Variants in SLC30A8 observed in about 807,000 individuals in gnomAD.
SLC30A8 encodes the protein proton-coupled zinc antiporter SLC30A8.
In SLC30A8, 27 loss-of-function variants were observed where a neutral mutation model predicts 36.9. That is an observed-to-expected ratio of 0.73 (90% CI 0.54 to 1.01). The LOEUF is 1.01. SLC30A8 is among the 50% of genes least tolerant of loss of function. The pLI is 0.00. For missense variants in SLC30A8, 439 were observed against 452.0 expected (o/e 0.97, Z 0.26); for synonymous variants, 164 against 172.4 (o/e 0.95, Z 0.38).
chr8:116,969,442 G>T (rs768165445), intron 1 of SLC30A8, among the ~76,000 whole-genome samples: 1 of 152,134 alleles, frequency 6.6e-6, no homozygotes, highest in Non-Finnish European at 1.5e-5. Flanking sequence ...GGAAAACTGG[G>T]ATAATAGAAT....
At chr8:117,058,859 A>G (rs554393633) in intron 2 of SLC30A8, among the ~76,000 whole-genome samples, 1 of 152,332 alleles carries the variant, frequency 6.6e-6, no homozygotes, top group African/African-American at 2.4e-5. Flanking sequence ...AGCTGATTTC[A>G]TGCTACAAAG....
At chr8:117,169,347 A>G (rs566285268) in intron 6 of SLC30A8, among the ~76,000 whole-genome samples, 5 of 152,290 alleles carry the variant, frequency 3.3e-5, no homozygotes, top group East Asian at 1.9e-4. Flanking sequence ...AGAGTTATTT[A>G]TATCCTGCTC....
At chr8:117,112,938 G>A (rs989690627) in intron 2 of SLC30A8, among the ~76,000 whole-genome samples, 7 of 151,990 alleles carry the variant, frequency 4.6e-5, no homozygotes, top group African/African-American at 1.4e-4. Context: ...TTTACTATTT[G>A]TTCAGCACTA....
chr8:117,125,558 G>A (rs1024534430), intron 2 of SLC30A8, among the ~76,000 whole-genome samples: 17 of 151,974 alleles, frequency 1.1e-4, no homozygotes, highest in Non-Finnish European at 2.2e-4. Context: ...ATCTCTTGAG[G>A]TTGGAAAATC....
At chr8:117,060,374 G>A (rs1292147467) in intron 2 of SLC30A8, among the ~76,000 whole-genome samples, 1 of 151,984 alleles carries the variant, frequency 6.6e-6, no homozygotes, top group East Asian at 1.9e-4. Context: ...TGAACAAGGG[G>A]AAGAACAAGT....
intron 1 of SLC30A8, among the ~76,000 whole-genome samples, chr8:117,007,354 AAATT>A (rs1164045704): frequency 3.3e-5 from 5 of 152,196 alleles, no homozygotes; most frequent in African/African-American, 7.2e-5. Context: ...GGCTTCATAA[AAATT>A]AAAATCTCTT....
At chr8:117,097,276 G>A (rs1006221235) in intron 2 of SLC30A8, among the ~76,000 whole-genome samples, 37 of 147,596 alleles carry the variant, frequency 2.5e-4, no homozygotes, top group African/African-American at 7.5e-4. Flanking sequence ...GCAGGCGCCT[G>A]TAGTCCCAGC....
chr8:117,062,496 C>T (rs951614819), intron 2 of SLC30A8, among the ~76,000 whole-genome samples: 11 of 152,184 alleles, frequency 7.2e-5, no homozygotes, highest in Admixed American at 1.3e-4. Flanking sequence ...CATGAACTCA[C>T]TCATCACCAA....
chr8:116,999,842 CAT>C (rs1325535037), intron 1 of SLC30A8, among the ~76,000 whole-genome samples: 42 of 152,098 alleles, frequency 2.8e-4, no homozygotes, highest in African/African-American at 8.7e-4. Context: ...AAAAAGCAGA[CAT>C]AAAAAATTAA....
chr8:117,102,405 T>G (rs901099488), intron 2 of SLC30A8, among the ~76,000 whole-genome samples: 6 of 152,212 alleles, frequency 3.9e-5, no homozygotes, highest in Admixed American at 2.0e-4. Context: ...TCTCTCTGAC[T>G]TTAAAAAGAT....
chr8:116,999,127 C>T (rs531597269), intron 1 of SLC30A8, among the ~76,000 whole-genome samples: 5 of 152,174 alleles, frequency 3.3e-5, no homozygotes, highest in Admixed American at 2.0e-4. Flanking sequence ...AGCATGATGG[C>T]GCATGTTTGT....
chr8:117,077,427 A>C (rs1554580921), intron 2 of SLC30A8, among the ~76,000 whole-genome samples: 1 of 152,162 alleles, frequency 6.6e-6, no homozygotes, highest in South Asian at 2.1e-4. Context: ...TACTTTTTCA[A>C]TTGAACTTTT....
Position 117,157,708 on chromosome 8 carries a change from C to G in SLC30A8, c.436C>G (p.Leu146Val), listed in dbSNP as rs764763610. ...WHRAEILGAL[L>V]SILCIWVVTG... ...ATTCCTAGAGATCCTTGGTGCCCTG[C>G]TCTCCATCCTGTGCATCTGGGTGGT... The change falls in exon 4 of 8, where the codon CTC (leucine) becomes GTC (valine). Residue 146 changes from leucine to valine, a missense_variant. Physicochemically the swap from Leu to Val is conservative, Grantham distance 32. Coordinates refer to ENST00000456015, the MANE Select transcript of SLC30A8 (RefSeq NM_173851.3). 1 of 1,614,020 alleles carries G rather than the reference C, an allele frequency of 6.2e-7. No homozygotes were observed. Among genetic ancestry groups the G allele is most frequent in the South Asian group, 1.1e-5 (1 of 91,062 alleles).
intron 1 of SLC30A8, among the ~76,000 whole-genome samples, chr8:117,139,686 C>T (rs1238209475): frequency 6.6e-6 from 1 of 151,842 alleles, no homozygotes; most frequent in Admixed American, 6.6e-5. Flanking sequence ...ACAGGCAGAA[C>T]AATCACTTAA....
intron 2 of SLC30A8, among the ~76,000 whole-genome samples, chr8:117,045,929 T>TTC (rs1491562276): frequency 6.6e-6 from 1 of 151,474 alleles, no homozygotes; most frequent in African/African-American, 2.4e-5. Context: ...TTTTTTTTTT[T>TTC]CCCCCTTCTT....
At chr8:117,111,207 G>C (rs1050707989) in intron 2 of SLC30A8, among the ~76,000 whole-genome samples, 1 of 152,098 alleles carries the variant, frequency 6.6e-6, no homozygotes, top group African/African-American at 2.4e-5. Context: ...ATAAACATTG[G>C]TAGCTATTTT....
chr8:117,104,128 G>A (rs1819863901), intron 2 of SLC30A8, among the ~76,000 whole-genome samples: 1 of 152,236 alleles, frequency 6.6e-6, no homozygotes, highest in Non-Finnish European at 1.5e-5. Context: ...TGTCCAACTA[G>A]ACCCCAACTT....
At chr8:117,063,971 C>T (rs776476154) in intron 2 of SLC30A8, among the ~76,000 whole-genome samples, 1 of 152,056 alleles carries the variant, frequency 6.6e-6, no homozygotes, top group African/African-American at 2.4e-5. Flanking sequence ...CACTCTCACA[C>T]CAACCTGTGG....
At chr8:116,961,579 T>C (rs1203664417) in intron 1 of SLC30A8, among the ~76,000 whole-genome samples, 1 of 152,048 alleles carries the variant, frequency 6.6e-6, no homozygotes, top group Non-Finnish European at 1.5e-5. Flanking sequence ...GGTCTCATTC[T>C]GTTTGTGCTG....
Sources: allele counts gnomAD v4.1 joint callset (sites outside exome capture counted in the v4.1 genomes callset), GRCh38; gene constraint gnomAD v4.1.1; transcripts MANE v1.5; gene names NCBI Gene and HGNC (gene_info 2026-07-23, HGNC 2026-07-21).